The following GRID2 variants were observed in gnomAD, a reference collection of about 807,000 sequenced individuals.
The protein encoded by GRID2 is glutamate ionotropic receptor delta type subunit 2, also known as glutamate receptor ionotropic, delta-2.
Under a neutral mutation model 114.8 loss-of-function variants are expected in GRID2, and 33 were observed. The observed-to-expected ratio is 0.29, with a 90% confidence interval of 0.22 to 0.38. The LOEUF (loss-of-function observed/expected upper bound fraction) is 0.38, where lower values mean the gene tolerates loss of function less well. Ranked by LOEUF, GRID2 falls within the 10% of genes least tolerant of loss-of-function variation. The pLI is 1.00. For missense variants in GRID2, 1,184 were observed against 1,257.7 expected (o/e 0.94, Z 0.89); for synonymous variants, 505 against 449.9 (o/e 1.12, Z -1.55).
At position 92,687,605 on chromosome 4, in the gene GRID2, G is replaced by A. The variant is rs561340840; in HGVS notation, c.244+97319G>A. On this transcript the variant is annotated intron_variant, in intron 2 of 15. Transcript: ENST00000282020. ...AGCACTTGGGGAGGCCGAGGTGGGCGGATCATGAGGTGAGGAGATCGAGAC... is the reference window on the plus strand; with the variant it reads ...AGCACTTGGGGAGGCCGAGGTGGGCAGATCATGAGGTGAGGAGATCGAGAC... Among the ~76,000 whole-genome samples the A allele has an allele frequency of 1.1e-4, 16 of 152,142 alleles. No individual in the cohort carries two copies. In the East Asian group the frequency reaches 1.4e-3, roughly 13 times the overall value.
chr4:93,093,499 TC>T (rs1730951447), intron 3 of GRID2, among the ~76,000 whole-genome samples: 1 of 152,014 alleles, frequency 6.6e-6, no homozygotes, highest in Admixed American at 6.6e-5. Context: ...AAGGAAAATC[TC>T]CTTGAATATT....
intron 13 of GRID2, among the ~76,000 whole-genome samples, chr4:93,550,980 A>T (rs1181042376): frequency 1.3e-5 from 2 of 152,202 alleles, no homozygotes; most frequent in African/African-American, 4.8e-5. Context: ...ACTGGATTTG[A>T]ATGCAGACTA....
chr4:93,797,204 G>A (rs1734822247), intron 1 of GRID2, among the ~76,000 whole-genome samples: 1 of 152,190 alleles, frequency 6.6e-6, no homozygotes, highest in Admixed American at 6.5e-5. Context: ...ATGTCATTAT[G>A]TGAAACATGG....
chr4:92,860,411 A>G (rs969458080), intron 2 of GRID2, among the ~76,000 whole-genome samples: 3 of 152,156 alleles, frequency 2.0e-5, no homozygotes, highest in African/African-American at 7.2e-5. Flanking sequence ...CTTGGATTGT[A>G]GTTGTTAGAC....
intron 4 of GRID2, among the ~76,000 whole-genome samples, chr4:93,158,210 T>A (rs981640609): frequency 6.6e-6 from 1 of 151,812 alleles, no homozygotes; most frequent in African/African-American, 2.4e-5. Context: ...TCTGCTGCAA[T>A]TCGTTATGCA....
intron 4 of GRID2, among the ~76,000 whole-genome samples, chr4:93,131,390 G>A (rs1292638644): frequency 1.3e-5 from 2 of 151,648 alleles, no homozygotes; most frequent in African/African-American, 4.8e-5. Context: ...TTGACCTCAT[G>A]ATCTGCCTAC....
At chr4:93,599,791 G>C (rs1257717460) in intron 13 of GRID2, among the ~76,000 whole-genome samples, 4 of 152,112 alleles carry the variant, frequency 2.6e-5, no homozygotes, top group Non-Finnish European at 4.4e-5. Context: ...TCCACACACA[G>C]ATCAAGACAG....
At chr4:92,968,671 T>C (rs567402017) in intron 2 of GRID2, among the ~76,000 whole-genome samples, 10 of 151,976 alleles carry the variant, frequency 6.6e-5, no homozygotes, top group South Asian at 4.1e-4. Flanking sequence ...CATTGCCACA[T>C]TGTAATTTTA....
chr4:92,640,580 T>C (rs1377095364), intron 2 of GRID2, among the ~76,000 whole-genome samples: 1 of 151,726 alleles, frequency 6.6e-6, no homozygotes, highest in East Asian at 1.9e-4. Context: ...TGGAAGAAAA[T>C]AAATTCTGAT....
chr4:93,593,261 A>G (rs1431844857), intron 13 of GRID2, among the ~76,000 whole-genome samples: 1 of 144,540 alleles, frequency 6.9e-6, no homozygotes, highest in East Asian at 2.0e-4. Flanking sequence ...TGGTGACAAA[A>G]TCTTTCAGCA....
intron 2 of GRID2, among the ~76,000 whole-genome samples, chr4:92,760,192 T>A (rs1443661302): frequency 7.5e-6 from 1 of 133,086 alleles, no homozygotes; most frequent in African/African-American, 2.9e-5. Flanking sequence ...TGACCAAGAT[T>A]GGGCCACTGC....
At chr4:92,699,621 G>T (rs549820155) in intron 2 of GRID2, among the ~76,000 whole-genome samples, 1 of 151,992 alleles carries the variant, frequency 6.6e-6, no homozygotes, top group African/African-American at 2.4e-5. Flanking sequence ...AATAATTTTC[G>T]TTGCTGTTGT....
chr4:92,988,497 A>G (rs758997030), intron 2 of GRID2, among the ~76,000 whole-genome samples: 26 of 152,178 alleles, frequency 1.7e-4, no homozygotes, highest in Non-Finnish European at 3.2e-4. Flanking sequence ...TATTTCTGCT[A>G]TATTTTATCC....
At chr4:93,431,823 G>C (rs1370263391) in intron 10 of GRID2, among the ~76,000 whole-genome samples, 1 of 152,050 alleles carries the variant, frequency 6.6e-6, no homozygotes, top group Non-Finnish European at 1.5e-5. Context: ...AAGAAAGTCA[G>C]TTAATATGTG....
intron 7 of GRID2, among the ~76,000 whole-genome samples, chr4:93,230,691 T>G (rs1234617464): frequency 6.6e-6 from 1 of 152,086 alleles, no homozygotes; most frequent in Admixed American, 6.6e-5. Context: ...ATTTGGTGTC[T>G]GTGTACTTTA....
intron 2 of GRID2, among the ~76,000 whole-genome samples, chr4:92,704,723 TTCTCTCTCTC>T (rs373207037): frequency 1.1e-5 from 1 of 90,050 alleles, no homozygotes; most frequent in Non-Finnish European, 2.3e-5. Context: ...CTCTCTCTCT[TTCTCTCTCTC>T]TCTCTCTCTC....
chr4:93,311,319 G>A (rs1755987157), intron 8 of GRID2, among the ~76,000 whole-genome samples: 1 of 152,166 alleles, frequency 6.6e-6, no homozygotes, highest in South Asian at 2.1e-4. Context: ...TTGCAGGTCT[G>A]CTTGTCATTT....
At chr4:92,368,111 C>T (rs184187508) in intron 1 of GRID2, among the ~76,000 whole-genome samples, 30 of 152,084 alleles carry the variant, frequency 2.0e-4, no homozygotes, top group African/African-American at 6.7e-4. Context: ...ACTTTAGGCC[C>T]AAGTATGGGT....
At chr4:93,560,005 A>C (rs1163799629) in intron 13 of GRID2, among the ~76,000 whole-genome samples, 2 of 151,804 alleles carry the variant, frequency 1.3e-5, no homozygotes, top group Admixed American at 1.3e-4. Flanking sequence ...ACATGTTCTC[A>C]CTCATAAGTG....
Sources: gnomAD v4.1 joint callset for allele counts (sites outside exome capture counted in the v4.1 genomes callset) on GRCh38, gnomAD v4.1.1 for gene constraint, MANE v1.5 for transcripts, NCBI Gene and HGNC (gene_info 2026-07-23, HGNC 2026-07-21) for gene names.